Variants in PPARA observed in about 807,000 individuals in gnomAD.
PPARA encodes peroxisome proliferator-activated receptor alpha.
PPARA carries 22 observed loss-of-function variants against 42.2 expected under a neutral mutation model. The ratio of observed to expected loss-of-function variants is 0.52; its 90% CI spans 0.37 to 0.74. The LOEUF is 0.74. PPARA is among the 30% of genes least tolerant of loss of function. The probability of loss-of-function intolerance (pLI) is 0.00; values close to 1 mark genes in which losing one functional copy is unlikely to be tolerated. For synonymous variants in PPARA, 242 were observed against 239.3 expected, an observed-to-expected ratio of 1.01 and a Z score of -0.10; for missense variants, 465 against 608.2, an observed-to-expected ratio of 0.76 and a Z score of 2.48.
In PPARA at chr22:46,205,549, TATA is replaced by T. The variant is rs1316268082; in HGVS notation, c.208+6959_208+6961del. The stretch of plus-strand genomic sequence containing the variant: ...ATATATATATATATATATATATATA[TATA>T]TATTTTTTTTTTTTTTTTTTTTTTT... On this transcript the variant is annotated intron_variant, in intron 4 of 8. Transcript: ENST00000407236. Among the ~76,000 whole-genome samples, 246 of 36,842 alleles carry T rather than the reference TATA, an allele frequency of 6.7e-3. 9 individuals carry two copies. The highest frequency in any genetic ancestry group is 0.028 in the African/African-American group (201 of 7,222). 24.2% of individuals were successfully genotyped at this position (36,842 alleles called of 152,430 possible).
Position 46,180,057 on chromosome 22 carries a change from A to G in PPARA, c.-43+3221A>G, listed in dbSNP as rs1929725630. Among the ~76,000 whole-genome samples the G allele has an allele frequency of 6.6e-6, 1 of 152,244 alleles. No individual in the cohort carries two copies. Among genetic ancestry groups the G allele is most frequent in the African/African-American group, 2.4e-5 (1 of 41,462 alleles). On this transcript the variant is annotated intron_variant, in intron 3 of 8. Transcript: ENST00000407236. This position sits in a 1 kb window ranked among gnomAD's most constrained non-coding sequence, Gnocchi z 4.2. ...CACAGTGGTGGTATGATACCACTACATGCCCATTTGAATGGCCAAAATTAG... is the reference window on the plus strand; with the variant it reads ...CACAGTGGTGGTATGATACCACTACGTGCCCATTTGAATGGCCAAAATTAG...
chr22:46,236,083 C>T lies in PPARA; in HGVS notation c.*703C>T, dbSNP rs1252920061. The T allele has an allele frequency of 6.5e-6, 1 of 152,828 alleles. No homozygotes were observed. The highest frequency in any genetic ancestry group is 1.5e-5 in the Non-Finnish European group (1 of 68,516). 9.5% of individuals were successfully genotyped at this position (152,828 alleles called of 1,614,324 possible). On this transcript the variant is annotated 3_prime_UTR_variant, in exon 9 of 9. Coordinates refer to ENST00000407236, the MANE Select transcript of PPARA (RefSeq NM_005036.6). The surrounding 1 kb of genome is among the most constrained non-coding windows in gnomAD (Gnocchi z 5.2). Reference sequence around the variant, plus strand: ...CCAACATGGTGAAACCCTGTCTCTACTAAAAATACAAAAATTAGCCGGGTG... The same window carrying T: ...CCAACATGGTGAAACCCTGTCTCTATTAAAAATACAAAAATTAGCCGGGTG...
At chr22:46,152,050 C>T (rs1924512595) in intron 2 of PPARA, 80 bp downstream of exon 2, 1 of 152,000 alleles carries the variant, frequency 6.6e-6, no homozygotes, top group Non-Finnish European at 1.5e-5. Context: ...GCACTACAGA[C>T]CAGCAATCTG....
rs1936141583 is a variant in PPARA, at chr22:46,235,227, C to T, written c.1254C>T (p.Asp418=). 3 of 1,614,004 alleles carry T rather than the reference C, an allele frequency of 1.9e-6. No individual in the cohort carries two copies. Among genetic ancestry groups the T allele is most frequent in the African/African-American group, 1.3e-5 (1 of 74,916 alleles). Residue 418 remains aspartate, a synonymous_variant, in exon 9 of 9, where the codon GAC becomes GAT. Coordinates refer to ENST00000407236, the MANE Select transcript of PPARA (RefSeq NM_005036.6). This position sits in a 1 kb window ranked among gnomAD's most constrained non-coding sequence, Gnocchi z 7.0. ...TCCACCTGCAGAGCAACCACCCGGA[C>T]GATATCTTTCTCTTCCCAAAACTTC... ...LRLHLQSNHP[D]DIFLFPKLLQ...
At chr22:46,159,916 T>A (rs968359732) in intron 2 of PPARA, among the ~76,000 whole-genome samples, 1 of 152,062 alleles carries the variant, frequency 6.6e-6, no homozygotes, top group African/African-American at 2.4e-5. Context: ...CCTAGTGAAT[T>A]CCTCCGAAGC....
intron 2 of PPARA, among the ~76,000 whole-genome samples, chr22:46,175,451 C>T (rs1418589049): frequency 6.6e-6 from 1 of 152,112 alleles, no homozygotes; most frequent in Admixed American, 6.6e-5. Context: ...CGGTGGCTCA[C>T]GCCTGTAATC....
chr22:46,226,883 A>T (rs1411968977), intron 7 of PPARA, among the ~76,000 whole-genome samples: 2 of 151,706 alleles, frequency 1.3e-5, no homozygotes, highest in African/African-American at 4.8e-5. Flanking sequence ...CAGAAAAAAG[A>T]AAAAAAAAGT....
At chr22:46,168,664 A>T (rs1927497421) in intron 2 of PPARA, among the ~76,000 whole-genome samples, 1 of 151,928 alleles carries the variant, frequency 6.6e-6, no homozygotes, top group Admixed American at 6.6e-5. Flanking sequence ...GCACATGAAA[A>T]GATGTTCATG....
chr22:46,209,799 G>A (rs547018607), intron 4 of PPARA, among the ~76,000 whole-genome samples: 65 of 152,190 alleles, frequency 4.3e-4, no homozygotes, highest in South Asian at 2.7e-3. Context: ...AGGCTGGAGC[G>A]CAGTGGCATG....
At chr22:46,189,794 C>T (rs1284356069) in intron 3 of PPARA, among the ~76,000 whole-genome samples, 1 of 151,988 alleles carries the variant, frequency 6.6e-6, no homozygotes, top group East Asian at 1.9e-4. Flanking sequence ...CAACCTCCGC[C>T]TCCCAGGTTC....
In PPARA at chr22:46,173,609, G is replaced by A. The variant is rs1259658660; in HGVS notation, c.-126-3144G>A. Among the ~76,000 whole-genome samples, 1 of 152,198 alleles carries A rather than the reference G, an allele frequency of 6.6e-6. No individual in the cohort carries two copies. Among genetic ancestry groups the A allele is most frequent in the Non-Finnish European group, 1.5e-5 (1 of 68,036 alleles). ...AAAGACAAAGAAAAGCTGCGGAAATGTTTCAGATTAAAAGAGAGAAGACAA... is the reference window on the plus strand; with the variant it reads ...AAAGACAAAGAAAAGCTGCGGAAATATTTCAGATTAAAAGAGAGAAGACAA... On this transcript the variant is annotated intron_variant, in intron 2 of 8. Transcript: ENST00000407236. This position sits in a 1 kb window ranked among gnomAD's most constrained non-coding sequence, Gnocchi z 4.3.
chr22:46,193,044 A>ACC lies in PPARA; in HGVS notation c.-42-5296_-42-5295dup, dbSNP rs572209753. ...CAAAAAACTAGAAAGAATGAATAAG[A>ACC]CCCACTAGGTTTTTTGTTGTTTTGT... On this transcript the variant is annotated intron_variant, in intron 3 of 8. Coordinates refer to ENST00000407236, the MANE Select transcript of PPARA (RefSeq NM_005036.6). The surrounding 1 kb of genome is among the most constrained non-coding windows in gnomAD (Gnocchi z 5.3). 1.5e-4 allele frequency among the ~76,000 whole-genome samples: 23 copies of ACC among 151,878 alleles called. 1 individual carries two copies. In the East Asian group the frequency reaches 4.5e-3, roughly 29 times the overall value.
At chr22:46,158,005 C>T (rs907389212) in intron 2 of PPARA, among the ~76,000 whole-genome samples, 4 of 152,170 alleles carry the variant, frequency 2.6e-5, no homozygotes, top group African/African-American at 9.7e-5. Flanking sequence ...TACAGAAGGA[C>T]TAATGGCTTC....
In PPARA at chr22:46,203,712, C is replaced by T. The variant is rs1021489238; in HGVS notation, c.208+5121C>T. On this transcript the variant is annotated intron_variant, in intron 4 of 8. Coordinates refer to ENST00000407236, the MANE Select transcript of PPARA (RefSeq NM_005036.6). The surrounding 1 kb of genome is among the most constrained non-coding windows in gnomAD (Gnocchi z 5.8). ...AGCTCACAGACTGATTAGCAGGCCA[C>T]CACACATGAGCTGGAGGCCAGGCTC... 3.9e-5 allele frequency among the ~76,000 whole-genome samples: 6 copies of T among 152,254 alleles called. No individual in the cohort carries two copies. The highest frequency in any genetic ancestry group is 8.8e-5 in the Non-Finnish European group (6 of 68,042).
intron 7 of PPARA, among the ~76,000 whole-genome samples, chr22:46,229,114 A>G (rs888229759): frequency 8.5e-5 from 13 of 152,180 alleles, no homozygotes; most frequent in Non-Finnish European, 1.3e-4. Flanking sequence ...CTCAAAAAAA[A>G]AAAAAAATTA....
At chr22:46,175,363 C>T (rs1298661007) in intron 2 of PPARA, among the ~76,000 whole-genome samples, 3 of 152,148 alleles carry the variant, frequency 2.0e-5, no homozygotes, top group African/African-American at 7.2e-5. Context: ...TCCTACCTTC[C>T]CATCCCTTTT....
intron 7 of PPARA, among the ~76,000 whole-genome samples, chr22:46,226,749 T>C (rs902856163): frequency 1.9e-4 from 29 of 152,052 alleles, no homozygotes; most frequent in African/African-American, 6.5e-4. Context: ...GGTGTGCGCC[T>C]GTGGTTCCAG....
chr22:46,170,215 G>C (rs745567642), intron 2 of PPARA, among the ~76,000 whole-genome samples: 2 of 150,758 alleles, frequency 1.3e-5, no homozygotes, highest in Non-Finnish European at 3.0e-5. Flanking sequence ...TTAAAATGAT[G>C]TAAGTGTGTT....
intron 4 of PPARA, among the ~76,000 whole-genome samples, chr22:46,207,660 TTATTATTATTATTATTA>T (rs1243205699): frequency 5.3e-5 from 6 of 113,792 alleles, no homozygotes; most frequent in African/African-American, 2.6e-4. Flanking sequence ...ATTATTATTA[TTATTATTATTATTATTA>T]TTTTTTTTTT....
Sources: gnomAD v4.1 joint callset for allele counts (sites outside exome capture counted in the v4.1 genomes callset) on GRCh38, gnomAD v4.1.1 for gene constraint, Gnocchi (gnomAD v3.1) non-coding constraint, MANE v1.5 for transcripts, NCBI Gene and HGNC (gene_info 2026-07-23, HGNC 2026-07-21) for gene names.